Variants in MAF observed in about 807,000 individuals in gnomAD.
The protein encoded by MAF is MAF bZIP transcription factor, also known as transcription factor Maf.
MAF carries 10 observed loss-of-function variants against 22.0 expected under a neutral mutation model. The ratio of observed to expected loss-of-function variants is 0.45; its 90% CI spans 0.28 to 0.77. The LOEUF (loss-of-function observed/expected upper bound fraction) is 0.77, where lower values mean the gene tolerates loss of function less well. Among genes scored for constraint, MAF ranks in the 30% least tolerant of loss-of-function variants. The pLI is 0.12. For missense variants in MAF, 544 were observed against 548.4 expected (o/e 0.99, Z 0.08); for synonymous variants, 337 against 255.8 (o/e 1.32, Z -3.03).
chr16:79,473,284 A>G, the MAF span, among the ~76,000 whole-genome samples: 85 of 152,140 alleles, frequency 5.6e-4, no homozygotes, highest in African/African-American at 2.0e-3. Context: ...GAATGGAGGA[A>G]CTCTCTCAAG....
the MAF span, among the ~76,000 whole-genome samples, chr16:79,495,442 G>A: frequency 6.6e-6 from 1 of 152,152 alleles, no homozygotes; most frequent in Non-Finnish European, 1.5e-5. Flanking sequence ...CAGACTAGGT[G>A]ACAGAACTGT....
chr16:79,400,196 G>C, the MAF span, among the ~76,000 whole-genome samples: 3 of 152,198 alleles, frequency 2.0e-5, no homozygotes, highest in Non-Finnish European at 4.4e-5. Context: ...CCACCACAAA[G>C]AATGAATTGT....
the MAF span, among the ~76,000 whole-genome samples, chr16:79,237,153 G>A: frequency 6.6e-6 from 1 of 152,016 alleles, no homozygotes; most frequent in Non-Finnish European, 1.5e-5. Context: ...TATAATTACA[G>A]ATGAAATAAT....
the MAF span, among the ~76,000 whole-genome samples, chr16:79,211,425 A>G: frequency 6.6e-6 from 1 of 152,208 alleles, no homozygotes; most frequent in Non-Finnish European, 1.5e-5. Flanking sequence ...TCGTTTTTCC[A>G]GGATAGTCAC....
chr16:79,553,569 G>A, the MAF span, among the ~76,000 whole-genome samples: 2 of 152,214 alleles, frequency 1.3e-5, no homozygotes, highest in African/African-American at 4.8e-5. Context: ...CGGAGCCTGT[G>A]CACTGGTCTG....
At chr16:79,384,547 G>T in the MAF span, among the ~76,000 whole-genome samples, 1 of 151,674 alleles carries the variant, frequency 6.6e-6, no homozygotes, top group Non-Finnish European at 1.5e-5. Context: ...CACAAGGTCA[G>T]GAGATTGAGA....
chr16:79,408,989 G>C, the MAF span, among the ~76,000 whole-genome samples: 1 of 136,092 alleles, frequency 7.3e-6, no homozygotes. Flanking sequence ...ACATAGACCA[G>C]AGTTTTCAAA....
chr16:79,445,057 G>A, the MAF span, among the ~76,000 whole-genome samples: 8 of 151,818 alleles, frequency 5.3e-5, no homozygotes, highest in East Asian at 1.9e-4. Flanking sequence ...TTTTTGAGAC[G>A]GAGTCTCACT....
the MAF span, among the ~76,000 whole-genome samples, chr16:79,391,082 G>A: frequency 6.6e-6 from 1 of 152,134 alleles, no homozygotes; most frequent in African/African-American, 2.4e-5. Flanking sequence ...CTAACGAGGT[G>A]GAAGCACCTT....
At chr16:79,388,860 A>G in the MAF span, among the ~76,000 whole-genome samples, 2 of 152,198 alleles carry the variant, frequency 1.3e-5, no homozygotes, top group African/African-American at 2.4e-5. Flanking sequence ...CTTGCTCAAC[A>G]GTACCCAACT....
chr16:79,211,221 A>G, the MAF span, among the ~76,000 whole-genome samples: 7 of 152,174 alleles, frequency 4.6e-5, no homozygotes, highest in African/African-American at 1.7e-4. Flanking sequence ...ACGATTTGGT[A>G]TCGAATTACA....
the MAF span, among the ~76,000 whole-genome samples, chr16:79,239,851 G>T: frequency 1.3e-5 from 2 of 151,972 alleles, no homozygotes; most frequent in Non-Finnish European, 2.9e-5. Context: ...TAAGGCGCTG[G>T]GAATGGGCTG....
the MAF span, among the ~76,000 whole-genome samples, chr16:79,250,456 A>G: frequency 6.6e-6 from 1 of 152,252 alleles, no homozygotes; most frequent in Non-Finnish European, 1.5e-5. Context: ...TTTAATTGCC[A>G]GAATGAGAGG....
chr16:79,588,082 A>G (rs1912964375), intron 1 of MAF, among the ~76,000 whole-genome samples: 1 of 152,188 alleles, frequency 6.6e-6, no homozygotes, highest in Non-Finnish European at 1.5e-5. Context: ...TTACACTTGG[A>G]TCTGTTTACC....
chr16:79,427,566 A>G, the MAF span, among the ~76,000 whole-genome samples: 1 of 152,162 alleles, frequency 6.6e-6, no homozygotes, highest in East Asian at 1.9e-4. Context: ...CTCTCTGGTC[A>G]GGCTACTTCT....
the MAF span, among the ~76,000 whole-genome samples, chr16:79,350,479 T>A: frequency 2.0e-5 from 3 of 152,202 alleles, no homozygotes; most frequent in African/African-American, 7.2e-5. Context: ...TTCTTTTCTT[T>A]CTGAGCACAC....
At chr16:79,542,212 T>G in the MAF span, among the ~76,000 whole-genome samples, 10 of 152,074 alleles carry the variant, frequency 6.6e-5, no homozygotes, top group South Asian at 4.2e-4. Flanking sequence ...AATGGGAACT[T>G]TGGAAGGAGG....
the MAF span, among the ~76,000 whole-genome samples, chr16:79,280,875 T>C: frequency 2.0e-5 from 3 of 152,236 alleles, no homozygotes; most frequent in Non-Finnish European, 4.4e-5. Context: ...GGATTCCTTA[T>C]TGAGTATGAA....
At chr16:79,368,444 C>T in the MAF span, among the ~76,000 whole-genome samples, 2 of 152,070 alleles carry the variant, frequency 1.3e-5, no homozygotes, top group East Asian at 1.9e-4. Context: ...CAGAGTGATC[C>T]ATCTGATTTG....
Sources: gnomAD v4.1 joint callset for allele counts (sites outside exome capture counted in the v4.1 genomes callset) on GRCh38, gnomAD v4.1.1 for gene constraint, MANE v1.5 for transcripts, NCBI Gene and HGNC (gene_info 2026-07-23, HGNC 2026-07-21) for gene names.